Variants in MCTP1 observed in about 807,000 individuals in gnomAD.
The protein encoded by MCTP1 is multiple C2 and transmembrane domain containing 1, also known as multiple C2 and transmembrane domain-containing protein 1.
In MCTP1, 69 loss-of-function variants were observed where a neutral mutation model predicts 120.6. The ratio of observed to expected loss-of-function variants is 0.57; its 90% confidence interval spans 0.47 to 0.70. MCTP1 has a LOEUF of 0.70. Ranked by LOEUF, MCTP1 falls within the 30% of genes least tolerant of loss-of-function variation. MCTP1 has a pLI of 0.00. For synonymous variants in MCTP1, 529 were observed against 493.1 expected, an observed-to-expected ratio of 1.07 and a Z score of -0.96; for missense variants, 1,203 against 1,248.8, an observed-to-expected ratio of 0.96 and a Z score of 0.55.
chr5:95,203,064 T>C (rs1751248204), intron 1 of MCTP1, among the ~76,000 whole-genome samples: 1 of 152,176 alleles, frequency 6.6e-6, no homozygotes, highest in South Asian at 2.1e-4. Context: ...AAAAATTTTC[T>C]TCTACTCTTT....
intron 1 of MCTP1, among the ~76,000 whole-genome samples, chr5:95,108,507 G>A (rs563252280): frequency 1.1e-4 from 16 of 152,298 alleles, no homozygotes; most frequent in Admixed American, 6.5e-4. Flanking sequence ...CTACAAAGCC[G>A]AGGGGATGGA....
In MCTP1 at chr5:95,204,417, T is replaced by C. The variant is rs74815972; in HGVS notation, c.720+79439A>G. 3.4e-4 allele frequency among the ~76,000 whole-genome samples: 52 copies of C among 152,292 alleles called. No individual in the cohort carries two copies. In the East Asian group the frequency reaches 9.8e-3, roughly 29 times the overall value. On this transcript the variant is annotated intron_variant, in intron 1 of 22. Coordinates refer to ENST00000515393, the MANE Select transcript of MCTP1 (RefSeq NM_024717.7). Reference sequence around the variant, plus strand: ...AAAAACTCATAGCTACCCAGCATCATACTTAATGGTGAAGGATGAATACTT... The same window carrying C: ...AAAAACTCATAGCTACCCAGCATCACACTTAATGGTGAAGGATGAATACTT...
chr5:94,780,101 T>C (rs935644895), intron 18 of MCTP1, among the ~76,000 whole-genome samples: 2 of 152,064 alleles, frequency 1.3e-5, no homozygotes, highest in African/African-American at 4.8e-5. Flanking sequence ...ACCCAACTTA[T>C]TGTGTTTGAC....
At chr5:95,088,935 T>C (rs891482490) in intron 1 of MCTP1, among the ~76,000 whole-genome samples, 9 of 152,336 alleles carry the variant, frequency 5.9e-5, no homozygotes, top group Admixed American at 4.6e-4. Context: ...CTCCGCACAA[T>C]GTTCCCAAGG....
chr5:95,255,420 C>A (rs1191528497), intron 1 of MCTP1, among the ~76,000 whole-genome samples: 1 of 152,130 alleles, frequency 6.6e-6, no homozygotes, highest in African/African-American at 2.4e-5. Flanking sequence ...TTTTAGAATT[C>A]ATTCTTTCAT....
In MCTP1 at chr5:95,041,321, A is replaced by G. The variant is rs530475801; in HGVS notation, c.721-23837T>C. On this transcript the variant is annotated intron_variant, in intron 1 of 22. Transcript: ENST00000515393. ...AAAAGCCCATGCTCTGAAAAAAAAA[A>G]AAAAAAAAAAGAAAAAACAAAAAGA... Among the ~76,000 whole-genome samples the G allele has an allele frequency of 2.9e-3, 434 of 151,090 alleles. 3 individuals are homozygous for G. Among genetic ancestry groups the G allele is most frequent in the African/African-American group, 9.5e-3 (392 of 41,324 alleles).
intron 19 of MCTP1, among the ~76,000 whole-genome samples, chr5:94,735,911 G>C (rs1764120095): frequency 1.3e-5 from 2 of 152,180 alleles, no homozygotes; most frequent in African/African-American, 4.8e-5. Flanking sequence ...CAGTAGTAGA[G>C]AAAGGCAGTA....
chr5:95,212,488 AG>A (rs2152569472), intron 1 of MCTP1, among the ~76,000 whole-genome samples: 2 of 152,222 alleles, frequency 1.3e-5, no homozygotes, highest in Admixed American at 1.3e-4. Context: ...ATAGAAAAAG[AG>A]GGAATCCTCC....
intron 1 of MCTP1, among the ~76,000 whole-genome samples, chr5:95,128,692 G>A (rs1237174244): frequency 1.3e-5 from 2 of 152,192 alleles, no homozygotes; most frequent in South Asian, 2.1e-4. Flanking sequence ...GGAGAGACTA[G>A]GGAGTGATAA....
intron 2 of MCTP1, among the ~76,000 whole-genome samples, chr5:94,976,364 T>C (rs1482323197): frequency 6.6e-6 from 1 of 152,010 alleles, no homozygotes; most frequent in Non-Finnish European, 1.5e-5. Flanking sequence ...GGCAGGAGAA[T>C]TGCTTGAATC....
chr5:94,739,072 G>A (rs1017475427), intron 19 of MCTP1: 1 of 152,226 alleles, frequency 6.6e-6, no homozygotes, highest in African/African-American at 2.4e-5. Flanking sequence ...CAAGAGAGCA[G>A]TTCTTTGATT....
At chr5:95,244,264 C>A (rs115875927) in intron 1 of MCTP1, among the ~76,000 whole-genome samples, 1 of 152,202 alleles carries the variant, frequency 6.6e-6, no homozygotes, top group South Asian at 2.1e-4. Flanking sequence ...GCAAGATCGA[C>A]GCAGATGACA....
At chr5:95,045,853 A>G (rs1843046401) in intron 1 of MCTP1, among the ~76,000 whole-genome samples, 1 of 152,130 alleles carries the variant, frequency 6.6e-6, no homozygotes, top group African/African-American at 2.4e-5. Context: ...TAAGAATATC[A>G]CTCTGTAGCC....
At chr5:95,186,000 A>C (rs1749163075) in intron 1 of MCTP1, among the ~76,000 whole-genome samples, 1 of 151,682 alleles carries the variant, frequency 6.6e-6, no homozygotes, top group African/African-American at 2.4e-5. Context: ...AAAAACAAAC[A>C]AACAAACAAA....
chr5:95,020,958 A>G (rs1379638174), intron 1 of MCTP1, among the ~76,000 whole-genome samples: 2 of 152,038 alleles, frequency 1.3e-5, no homozygotes, highest in Non-Finnish European at 2.9e-5. Context: ...ATGACTTTAA[A>G]TTCTAATATT....
At chr5:95,082,221 A>G (rs555576615) in intron 1 of MCTP1, among the ~76,000 whole-genome samples, 2 of 152,268 alleles carry the variant, frequency 1.3e-5, no homozygotes, top group Admixed American at 6.5e-5. Context: ...AGCTCTGCCT[A>G]CCTCACCAAC....
chr5:94,854,508 C>G (rs569180648), intron 17 of MCTP1, among the ~76,000 whole-genome samples: 1 of 151,806 alleles, frequency 6.6e-6, no homozygotes, highest in Non-Finnish European at 1.5e-5. Context: ...AAGCATATGG[C>G]TAAGATGTTT....
At chr5:94,821,331 T>C (rs951038417) in intron 17 of MCTP1, among the ~76,000 whole-genome samples, 1 of 152,186 alleles carries the variant, frequency 6.6e-6, no homozygotes, top group African/African-American at 2.4e-5. Context: ...GGGCTTAAAA[T>C]AGAAATATCA....
intron 1 of MCTP1, among the ~76,000 whole-genome samples, chr5:95,159,083 A>G (rs1745440999): frequency 6.6e-6 from 1 of 152,230 alleles, no homozygotes; most frequent in African/African-American, 2.4e-5. Flanking sequence ...ACAACCATGT[A>G]GAATTAAAAT....
Sources: allele counts gnomAD v4.1 joint callset (sites outside exome capture counted in the v4.1 genomes callset), GRCh38; gene constraint gnomAD v4.1.1; transcripts MANE v1.5; gene names NCBI Gene and HGNC (gene_info 2026-07-23, HGNC 2026-07-21).